LINC00305: variants seen among roughly 807,000 people sequenced by gnomAD.
LINC00305 encodes the protein long independently transcribed non-coding RNA 305.
intron 1 of LINC00305, among the ~76,000 whole-genome samples, chr18:64,141,577 G>A (rs2051463269): frequency 6.6e-6 from 1 of 152,176 alleles, no homozygotes; most frequent in Non-Finnish European, 1.5e-5. Context: ...GTCACCCAAA[G>A]TTGAGATAAT....
intron 1 of LINC00305, among the ~76,000 whole-genome samples, chr18:64,119,049 A>G (rs546616454): frequency 6.6e-6 from 1 of 152,190 alleles, no homozygotes; most frequent in African/African-American, 2.4e-5. Flanking sequence ...ATACAAGTAT[A>G]CAAAAAAAAA....
intron 1 of LINC00305, among the ~76,000 whole-genome samples, chr18:64,123,589 C>A (rs950193992): frequency 2.0e-5 from 3 of 152,096 alleles, no homozygotes; most frequent in African/African-American, 7.2e-5. Context: ...CTTACCCCAA[C>A]CTTCCCCTTT....
intron 1 of LINC00305, among the ~76,000 whole-genome samples, chr18:64,104,611 G>C (rs2051282041): frequency 1.3e-5 from 2 of 152,212 alleles, no homozygotes; most frequent in Non-Finnish European, 1.5e-5. Context: ...TTATTGTACA[G>C]CAGATTTTGT....
At chr18:64,117,915 T>C (rs183439471) in intron 1 of LINC00305, among the ~76,000 whole-genome samples, 1 of 152,304 alleles carries the variant, frequency 6.6e-6, no homozygotes, top group Non-Finnish European at 1.5e-5. Context: ...CTGCTTTTCT[T>C]TTCTTTGACC....
chr18:64,120,425 T>C (rs990232726), intron 1 of LINC00305, among the ~76,000 whole-genome samples: 10 of 152,094 alleles, frequency 6.6e-5, no homozygotes, highest in African/African-American at 1.4e-4. Flanking sequence ...ATGCACACAG[T>C]GGTGGATTAA....
At chr18:64,123,235 C>T (rs560129028) in intron 1 of LINC00305, among the ~76,000 whole-genome samples, 25 of 152,156 alleles carry the variant, frequency 1.6e-4, no homozygotes, top group Non-Finnish European at 3.2e-4. Context: ...GTGGTGAAAG[C>T]GGTTACCTCT....
chr18:64,121,340 C>T (rs371564343), intron 1 of LINC00305, among the ~76,000 whole-genome samples: 5 of 152,000 alleles, frequency 3.3e-5, no homozygotes, highest in African/African-American at 9.7e-5. Context: ...CATCCACCCC[C>T]CTCTGTCCCC....
At chr18:64,114,651 T>C (rs1599218404) in intron 1 of LINC00305, among the ~76,000 whole-genome samples, 1 of 152,184 alleles carries the variant, frequency 6.6e-6, no homozygotes, top group African/African-American at 2.4e-5. Context: ...TGGGTTCAAG[T>C]GATTCTCCTG....
intron 1 of LINC00305, among the ~76,000 whole-genome samples, chr18:64,102,341 A>G (rs1053614505): frequency 2.6e-5 from 4 of 152,090 alleles, no homozygotes; most frequent in Non-Finnish European, 5.9e-5. Context: ...TTAATCTCCT[A>G]CCTTTCCCTA....
At chr18:64,124,327 C>T (rs903585115) in intron 1 of LINC00305, among the ~76,000 whole-genome samples, 2 of 152,040 alleles carry the variant, frequency 1.3e-5, no homozygotes, top group Non-Finnish European at 2.9e-5. Context: ...TTCCTCATGT[C>T]CTTAAGGAAG....
intron 1 of LINC00305, among the ~76,000 whole-genome samples, chr18:64,135,831 G>C (rs1014323523): frequency 6.6e-6 from 1 of 152,034 alleles, no homozygotes; most frequent in Admixed American, 6.5e-5. Flanking sequence ...GGCCTGCCTC[G>C]GCTTCCCAAA....
At chr18:64,130,722 A>G (rs1295551801) in intron 1 of LINC00305, among the ~76,000 whole-genome samples, 1 of 152,160 alleles carries the variant, frequency 6.6e-6, no homozygotes, top group Non-Finnish European at 1.5e-5. Context: ...GCTGTAATTG[A>G]TGAATTCAGT....
At chr18:64,089,425 G>A (rs932056385) in intron 3 of LINC00305, among the ~76,000 whole-genome samples, 6 of 152,128 alleles carry the variant, frequency 3.9e-5, no homozygotes, top group African/African-American at 1.4e-4. Flanking sequence ...GTCTCAGGTA[G>A]TATATAGCAG....
At chr18:64,145,068 C>A (rs1199532835) in intron 1 of LINC00305, among the ~76,000 whole-genome samples, 1 of 152,096 alleles carries the variant, frequency 6.6e-6, no homozygotes, top group Admixed American at 6.6e-5. Context: ...TCTGGTCTAA[C>A]CTGTTGTCTA....
chr18:64,114,202 G>A (rs1393102035), intron 1 of LINC00305, among the ~76,000 whole-genome samples: 8 of 152,158 alleles, frequency 5.3e-5, no homozygotes, highest in South Asian at 2.1e-4. Flanking sequence ...CCAGAGAGGC[G>A]GAGCTTGCAG....
chr18:64,103,941 T>C (rs2051278441), intron 1 of LINC00305: 1 of 152,244 alleles, frequency 6.6e-6, no homozygotes, highest in Non-Finnish European at 1.5e-5. Context: ...AATAGGCAAA[T>C]ATTTACATAT....
chr18:64,125,599 G>A (rs1202045282), intron 1 of LINC00305, among the ~76,000 whole-genome samples: 3 of 151,088 alleles, frequency 2.0e-5, no homozygotes, highest in Admixed American at 6.6e-5. Flanking sequence ...ACATACATGT[G>A]TATCTTAAAT....
chr18:64,085,323 T>C (rs569143180), intron 3 of LINC00305, among the ~76,000 whole-genome samples: 1 of 152,358 alleles, frequency 6.6e-6, no homozygotes, highest in Admixed American at 6.5e-5. Context: ...GATCAAGACC[T>C]ATTTTCCATA....
chr18:64,094,804 A>G (rs1219176358), intron 3 of LINC00305, among the ~76,000 whole-genome samples: 2 of 151,910 alleles, frequency 1.3e-5, no homozygotes, highest in Non-Finnish European at 2.9e-5. Flanking sequence ...TGGAGCTTGC[A>G]GTGAGCTGCA....
Sources: gnomAD v4.1 joint callset for allele counts (sites outside exome capture counted in the v4.1 genomes callset) on GRCh38, gnomAD v4.1.1 for gene constraint, MANE v1.5 for transcripts, NCBI Gene and HGNC (gene_info 2026-07-23, HGNC 2026-07-21) for gene names.